The following STX18 variants were observed in gnomAD, a reference collection of about 807,000 sequenced individuals.
STX18 encodes the protein syntaxin 18.
STX18 carries 40 observed loss-of-function variants against 50.1 expected under a neutral mutation model. That is an observed-to-expected ratio of 0.80 (90% CI 0.62 to 1.04). STX18 has a LOEUF of 1.04. Ranked by LOEUF, STX18 falls within the 50% of genes least tolerant of loss-of-function variation. The probability of loss-of-function intolerance (pLI) is 0.00; values close to 1 mark genes in which losing one functional copy is unlikely to be tolerated. For synonymous variants in STX18, 158 were observed against 151.8 expected (o/e 1.04, Z -0.30); for missense variants, 410 against 415.8 (o/e 0.99, Z 0.12).
At chr4:4,442,487 C>T (rs916648434) in intron 5 of STX18, among the ~76,000 whole-genome samples, 5 of 151,962 alleles carry the variant, frequency 3.3e-5, no homozygotes, top group Admixed American at 6.5e-5. Flanking sequence ...CGTGGTGGCA[C>T]GCACCTGTAG....
Position 4,457,457 on chromosome 4 carries a change from G to T in STX18, c.396C>A (p.Thr132=), listed in dbSNP as rs571862656. 3.7e-6 allele frequency: 6 copies of T among 1,613,802 alleles called. No individual in the cohort carries two copies. The highest frequency in any genetic ancestry group is 1.7e-5 in the Admixed American group (1 of 59,968). The change falls in exon 4 of 11, where the codon ACC becomes ACA. Residue 132 remains threonine, a synonymous_variant. Transcript: ENST00000306200. ...AATCTTCAATGAAATCCAAAACAGC[G>T]GTCCTGTGCTCCTTCACTTGCTGGG... ...IHSQQVKEHR[T]AVLDFIEDYL...
At chr4:4,476,812 C>A (rs185650996) in intron 1 of STX18, among the ~76,000 whole-genome samples, 1 of 151,986 alleles carries the variant, frequency 6.6e-6, no homozygotes. Context: ...CTGAGTTGCT[C>A]AAGGCTGAAG....
intron 2 of STX18, among the ~76,000 whole-genome samples, chr4:4,462,660 G>T (rs1727441198): frequency 6.6e-6 from 1 of 151,370 alleles, no homozygotes; most frequent in Admixed American, 6.6e-5. Context: ...TCAGGATTTT[G>T]AAGCTAACCT....
chr4:4,475,182 G>T (rs1328964050), intron 1 of STX18, among the ~76,000 whole-genome samples: 1 of 152,144 alleles, frequency 6.6e-6, no homozygotes, highest in Non-Finnish European at 1.5e-5. Flanking sequence ...ACAAGAGGTT[G>T]CAGTTAGTCT....
intron 7 of STX18, among the ~76,000 whole-genome samples, chr4:4,431,539 C>A (rs1324754630): frequency 6.6e-6 from 1 of 152,120 alleles, no homozygotes; most frequent in Non-Finnish European, 1.5e-5. Context: ...CATCATGTTT[C>A]TAGAGAGCCT....
chr4:4,475,130 G>A (rs1230054410), intron 1 of STX18, among the ~76,000 whole-genome samples: 2 of 152,182 alleles, frequency 1.3e-5, no homozygotes, highest in Non-Finnish European at 2.9e-5. Context: ...AATGCCAGGA[G>A]CAAGCAAGCT....
chr4:4,488,151 ACTC>A (rs1297025336), intron 1 of STX18, among the ~76,000 whole-genome samples: 1 of 152,088 alleles, frequency 6.6e-6, no homozygotes, highest in Non-Finnish European at 1.5e-5. Flanking sequence ...ATCAGCAGCA[ACTC>A]CTCCTCTCGT....
chr4:4,450,133 T>C (rs1342647995), intron 5 of STX18, among the ~76,000 whole-genome samples: 2 of 152,224 alleles, frequency 1.3e-5, no homozygotes, highest in Non-Finnish European at 1.5e-5. Flanking sequence ...CAAGAAAATA[T>C]ATGCATGCAT....
chr4:4,454,441 T>C (rs986848536), intron 5 of STX18, among the ~76,000 whole-genome samples: 5 of 152,224 alleles, frequency 3.3e-5, no homozygotes, highest in Non-Finnish European at 7.3e-5. Flanking sequence ...CTTCTTACTT[T>C]ACTTGGGTAC....
At chr4:4,462,411 T>C (rs1439170892) in intron 2 of STX18, among the ~76,000 whole-genome samples, 1 of 152,214 alleles carries the variant, frequency 6.6e-6, no homozygotes, top group African/African-American at 2.4e-5. Flanking sequence ...TTCATTCACA[T>C]GATAAATACA....
chr4:4,470,596 A>T (rs991571760), intron 2 of STX18, among the ~76,000 whole-genome samples: 1 of 152,222 alleles, frequency 6.6e-6, no homozygotes, highest in Non-Finnish European at 1.5e-5. Context: ...TACTGAAGAA[A>T]ATATACAGGG....
Position 4,541,821 on chromosome 4 carries a change from G to C in STX18, c.144C>G (p.Asp48Glu), listed in dbSNP as rs1325249525. 1.9e-6 allele frequency: 3 copies of C among 1,610,208 alleles called. No individual in the cohort carries two copies. Among genetic ancestry groups the C allele is most frequent in the Non-Finnish European group, 2.5e-6 (3 of 1,178,446 alleles). Reference sequence around the variant, plus strand: ...CCACTTCGCGGGCCCGGCTGGAGAAGTCGCCCTTGGGCCGGGGGCTCCGGC... The same window carrying C: ...CCACTTCGCGGGCCCGGCTGGAGAACTCGCCCTTGGGCCGGGGGCTCCGGC... ...LFRRSPRPKG[D>E]FSSRAREVIS... The change falls in exon 1 of 11, where the codon GAC becomes GAG. Residue 48 changes from aspartate (D) to glutamate (E), a missense_variant. Coordinates refer to ENST00000306200, the MANE Select transcript of STX18 (RefSeq NM_016930.4).
intron 3 of STX18, among the ~76,000 whole-genome samples, chr4:4,457,862 T>C (rs1287280987): frequency 2.0e-5 from 3 of 152,208 alleles, no homozygotes; most frequent in Non-Finnish European, 2.9e-5. Context: ...CACTCCTCCC[T>C]GCTTGAACCT....
intron 1 of STX18, among the ~76,000 whole-genome samples, chr4:4,535,719 CTTGCATTCT>C: frequency 6.6e-6 from 1 of 152,206 alleles, no homozygotes; most frequent in African/African-American, 2.4e-5. Flanking sequence ...CTGTTCACAG[CTTGCATTCT>C]AAACCTCCAT....
At chr4:4,471,841 C>T (rs1727936664) in intron 1 of STX18, 135 bp from the exon 2 acceptor site, 1 of 609,912 alleles carries the variant, frequency 1.6e-6, no homozygotes, top group Non-Finnish European at 2.8e-6. Context: ...CGGTTTTGGA[C>T]TCTCGTACAG....
chr4:4,541,787 A>G lies in STX18; in HGVS notation c.168+10T>C, dbSNP rs1366176278. On this transcript the variant is annotated intron_variant, in intron 1 of 10. Transcript: ENST00000306200. ...TCCTCAACCCGCCGTTTCCATAGCA[A>G]CCAGCTCACCACTTCGCGGGCCCGG... 1 of 1,603,038 alleles carries G rather than the reference A, an allele frequency of 6.2e-7. No individual in the cohort carries two copies. Among genetic ancestry groups the G allele is most frequent in the Non-Finnish European group, 8.5e-7 (1 of 1,174,398 alleles).
chr4:4,482,998 C>T (rs1262116375), intron 1 of STX18, among the ~76,000 whole-genome samples: 1 of 152,154 alleles, frequency 6.6e-6, no homozygotes, highest in East Asian at 1.9e-4. Context: ...CAGCATATGT[C>T]TTTTTAGAGA....
At chr4:4,509,342 T>C (rs28513671) in intron 1 of STX18, among the ~76,000 whole-genome samples, 20 of 152,250 alleles carry the variant, frequency 1.3e-4, no homozygotes, top group African/African-American at 4.8e-4. Context: ...ATATGTTTGC[T>C]GGCTGCATGT....
intron 1 of STX18, among the ~76,000 whole-genome samples, chr4:4,498,995 T>G (rs1484550578): frequency 6.6e-6 from 1 of 152,132 alleles, no homozygotes; most frequent in Non-Finnish European, 1.5e-5. Flanking sequence ...TGAAACAAAA[T>G]ATACAACTAA....
Sources: allele counts gnomAD v4.1 joint callset (sites outside exome capture counted in the v4.1 genomes callset), GRCh38; gene constraint gnomAD v4.1.1; transcripts MANE v1.5; gene names NCBI Gene and HGNC (gene_info 2026-07-23, HGNC 2026-07-21).